NKD1: variants seen among roughly 807,000 people sequenced by gnomAD.
NKD1 encodes NKD inhibitor of Wnt signaling pathway 1, also known as protein naked cuticle homolog 1.
In NKD1, 21 loss-of-function variants were observed where a neutral mutation model predicts 56.0. The observed-to-expected ratio is 0.38, with a 90% CI of 0.27 to 0.54. The LOEUF is 0.54. Among genes scored for constraint, NKD1 ranks in the 20% least tolerant of loss-of-function variants. The pLI is 0.82. For missense variants in NKD1, 578 were observed against 642.7 expected (o/e 0.90, Z 1.09); for synonymous variants, 263 against 265.7 (o/e 0.99, Z 0.10).
Position 50,648,393 on chromosome 16 carries a change from A to G in NKD1, c.*14612A>G, listed in dbSNP as rs1342866249. The G allele has an allele frequency of 9.8e-5, 15 of 152,642 alleles. No homozygotes were observed. The Admixed American group carries it at 9.8e-4, about 10-fold the overall frequency. 9.5% of individuals were successfully genotyped at this position (152,642 alleles called of 1,614,324 possible). A position where few individuals can be genotyped will look rare whatever the true frequency, so the allele number is the denominator to read the frequency against. On this transcript the variant is annotated 3_prime_UTR_variant, in exon 10 of 10. Transcript: ENST00000268459. ...TGCCCCATCCACTAGACAAAAGCTG[A>G]CTCTGGAAAACATTAGGCACTCAGA...
In NKD1 at chr16:50,614,363, C is replaced by T. The variant is rs76047596; in HGVS notation, c.259+6003C>T. ...TAAAACCATGTCATGGACACATGCA[C>T]GCACACACACACACTCACACACACA... On this transcript the variant is annotated intron_variant, in intron 4 of 9. Coordinates refer to ENST00000268459, the MANE Select transcript of NKD1 (RefSeq NM_033119.5). 4.9e-4 allele frequency among the ~76,000 whole-genome samples: 74 copies of T among 152,200 alleles called. 1 individual carries two copies. In the East Asian group the frequency reaches 0.013, roughly 26 times the overall value.
At chr16:50,589,759 C>CTT (rs1406183287) in intron 3 of NKD1, among the ~76,000 whole-genome samples, 5 of 77,834 alleles carry the variant, frequency 6.4e-5, no homozygotes, top group Non-Finnish European at 1.1e-4. Flanking sequence ...CTTCTCTTCT[C>CTT]TTCTCTCCTC....
chr16:50,563,940 T>C (rs1372022611), intron 3 of NKD1, among the ~76,000 whole-genome samples: 1 of 149,958 alleles, frequency 6.7e-6, no homozygotes, highest in African/African-American at 2.5e-5. Context: ...CAGGCTAAAC[T>C]CCATCCTCAG....
intron 5 of NKD1, 62 bp downstream of exon 5, chr16:50,621,770 T>G: frequency 1.6e-6 from 2 of 1,278,894 alleles, no homozygotes; most frequent in Non-Finnish European, 2.2e-6. Flanking sequence ...GCTTGGGGCT[T>G]TGGGAGGAGG....
intron 3 of NKD1, among the ~76,000 whole-genome samples, chr16:50,592,523 G>GC (rs1159992431): frequency 1.3e-5 from 2 of 152,218 alleles, no homozygotes; most frequent in Non-Finnish European, 2.9e-5. Context: ...CAGGCACCAT[G>GC]CCAGCTCTGT....
Position 50,560,661 on chromosome 16 carries a change from C to T in NKD1, c.192+11106C>T, listed in dbSNP as rs561214107. On this transcript the variant is annotated intron_variant, in intron 3 of 9. Coordinates refer to ENST00000268459, the MANE Select transcript of NKD1 (RefSeq NM_033119.5). ...TTTTTTTTTCAACTGTATGTCTCAG[C>T]CCCATTCATGGTTCATGACATCAAT... Among the ~76,000 whole-genome samples the T allele has an allele frequency of 2.3e-4, 34 of 150,394 alleles. No homozygotes were observed. The South Asian group carries it at 4.8e-3, about 21-fold the overall frequency.
intron 3 of NKD1, 66 bp from the exon 4 acceptor site, chr16:50,608,228 C>T (rs916862448): frequency 3.6e-6 from 4 of 1,119,000 alleles, no homozygotes; most frequent in African/African-American, 1.5e-5. Context: ...CATGGCACTG[C>T]TTTTAACGTC....
At chr16:50,579,958 TG>T (rs910100633) in intron 3 of NKD1, among the ~76,000 whole-genome samples, 32 of 151,954 alleles carry the variant, frequency 2.1e-4, no homozygotes, top group African/African-American at 6.0e-4. Flanking sequence ...TGCACTCTCT[TG>T]GTCCCATGGG....
intron 3 of NKD1, among the ~76,000 whole-genome samples, chr16:50,572,412 G>A (rs1343281336): frequency 6.6e-6 from 1 of 152,212 alleles, no homozygotes; most frequent in Non-Finnish European, 1.5e-5. Context: ...GTGCTTTGCT[G>A]TGTGCTTTGG....
At chr16:50,605,966 C>T (rs1006903473) in intron 3 of NKD1, 6 of 152,176 alleles carry the variant, frequency 3.9e-5, no homozygotes, top group African/African-American at 7.2e-5. Context: ...CTCAACATCC[C>T]GCGTGGCTTC....
At chr16:50,564,868 C>T (rs912113958) in intron 3 of NKD1, among the ~76,000 whole-genome samples, 4 of 152,204 alleles carry the variant, frequency 2.6e-5, no homozygotes, top group East Asian at 3.9e-4. Flanking sequence ...TGAAGGTATG[C>T]AGTACACAGG....
chr16:50,565,896 T>C (rs1374956277), intron 3 of NKD1, among the ~76,000 whole-genome samples: 4 of 152,242 alleles, frequency 2.6e-5, no homozygotes, highest in Non-Finnish European at 5.9e-5. Context: ...CATCATTGCA[T>C]TGATTCCTTA....
rs1962697948 is a variant in NKD1 at position 50,647,215 on chromosome 16, C to G, written c.*13434C>G. ...TCGTCTAAGCCAGACATGGCAAAGT[C>G]CTCACCTTTGCCAGTGACTGATTCA... On this transcript the variant is annotated 3_prime_UTR_variant, in exon 10 of 10. Transcript: ENST00000268459. 1 of 152,174 alleles carries G rather than the reference C, an allele frequency of 6.6e-6. No individual in the cohort carries two copies. The highest frequency in any genetic ancestry group is 2.4e-5 in the African/African-American group (1 of 41,436). 9.4% of individuals were successfully genotyped at this position (152,174 alleles called of 1,614,324 possible).
Position 50,598,320 on chromosome 16 carries a change from G to A in NKD1, c.193-9974G>A, listed in dbSNP as rs1343409515. ...CCTGTCCGTAAAATGAGGCCTCAGG[G>A]TATAGGAATCAAGAGGCTCTTACTT... is the stretch of plus-strand genomic sequence containing the variant. On this transcript the variant is annotated intron_variant, in intron 3 of 9. Coordinates refer to ENST00000268459, the MANE Select transcript of NKD1 (RefSeq NM_033119.5). The surrounding 1 kb of genome is among the most constrained non-coding windows in gnomAD (Gnocchi z 4.2). Among the ~76,000 whole-genome samples the A allele has an allele frequency of 1.3e-5, 2 of 151,998 alleles. No individual in the cohort carries two copies. Among genetic ancestry groups the A allele is most frequent in the African/African-American group, 4.8e-5 (2 of 41,318 alleles).
intron 6 of NKD1, among the ~76,000 whole-genome samples, chr16:50,626,574 G>T (rs1162061653): frequency 6.6e-6 from 1 of 152,206 alleles, no homozygotes; most frequent in Non-Finnish European, 1.5e-5. Flanking sequence ...TGGCCGTGGT[G>T]GCCAATCAGC....
intron 5 of NKD1, chr16:50,625,107 C>T (rs551895229): frequency 3.3e-6 from 1 of 305,710 alleles, no homozygotes; most frequent in African/African-American, 2.2e-5. Flanking sequence ...GCTGTCCTAC[C>T]CTGGCATCCT....
At chr16:50,604,603 G>A (rs1042248064) in intron 3 of NKD1, among the ~76,000 whole-genome samples, 8 of 152,050 alleles carry the variant, frequency 5.3e-5, no homozygotes, top group Non-Finnish European at 8.8e-5. Context: ...CCCTGTTTAC[G>A]AATGGGGAGA....
chr16:50,588,597 GC>G (rs1961280089), intron 3 of NKD1, among the ~76,000 whole-genome samples: 1 of 127,582 alleles, frequency 7.8e-6, no homozygotes, highest in Admixed American at 7.9e-5. Flanking sequence ...CTTTTCTTCT[GC>G]TTTTTTTTTT....
rs1962730850 is a variant in NKD1 at position 50,649,003 on chromosome 16, A to G, written c.*15222A>G. 1 of 152,232 alleles carries G rather than the reference A, an allele frequency of 6.6e-6. No homozygotes were observed. The highest frequency in any genetic ancestry group is 1.5e-5 in the Non-Finnish European group (1 of 68,040). 9.4% of individuals were successfully genotyped at this position (152,232 alleles called of 1,614,324 possible). Reference sequence around the variant, plus strand: ...ATTTAGACTATTATATGAGGAAGCAATCAACTTCTCACTTGTTTCAACCAC... The same window carrying G: ...ATTTAGACTATTATATGAGGAAGCAGTCAACTTCTCACTTGTTTCAACCAC... On this transcript the variant is annotated 3_prime_UTR_variant, in exon 10 of 10. Coordinates refer to ENST00000268459, the MANE Select transcript of NKD1 (RefSeq NM_033119.5).
Sources: gnomAD v4.1 joint callset for allele counts (sites outside exome capture counted in the v4.1 genomes callset) on GRCh38, gnomAD v4.1.1 for gene constraint, Gnocchi (gnomAD v3.1) non-coding constraint, MANE v1.5 for transcripts, NCBI Gene and HGNC (gene_info 2026-07-23, HGNC 2026-07-21) for gene names.